The following IRAK2 variants were observed in gnomAD, a reference collection of about 807,000 sequenced individuals.
IRAK2 encodes the protein interleukin 1 receptor associated kinase 2.
A neutral mutation model predicts 72.0 loss-of-function variants in IRAK2; 57 were observed. The ratio of observed to expected loss-of-function variants is 0.79; its 90% CI spans 0.64 to 0.99. IRAK2 has a LOEUF of 0.99. IRAK2 is among the 50% of genes least tolerant of loss of function. IRAK2 has a pLI of 0.00. For synonymous variants in IRAK2, 293 were observed against 312.7 expected (o/e 0.94, Z 0.67); for missense variants, 790 against 794.4 (o/e 0.99, Z 0.07).
At position 10,198,964 on chromosome 3, in the gene IRAK2, C is replaced by T. The variant is rs76831261; in HGVS notation, c.278-1405C>T. Among the ~76,000 whole-genome samples the T allele has an allele frequency of 3.6e-3, 554 of 152,236 alleles. 19 individuals carry two copies. The East Asian group carries it at 0.061, about 17-fold the overall frequency. ...GAGAATGAGGGACTTGAATGCAGGGCTATAGCATCAGGTTTTATCTGGGAG... is the reference window on the plus strand; with the variant it reads ...GAGAATGAGGGACTTGAATGCAGGGTTATAGCATCAGGTTTTATCTGGGAG... On this transcript the variant is annotated intron_variant, in intron 2 of 12. Transcript: ENST00000256458.
intron 12 of IRAK2, among the ~76,000 whole-genome samples, chr3:10,239,928 C>T (rs1404410252): frequency 6.6e-6 from 1 of 151,404 alleles, no homozygotes; most frequent in Non-Finnish European, 1.5e-5. Context: ...GGGCAGATCA[C>T]CTGAGGTCAG....
intron 9 of IRAK2, among the ~76,000 whole-genome samples, chr3:10,225,888 A>G (rs543897941): frequency 1.3e-5 from 2 of 151,962 alleles, no homozygotes; most frequent in East Asian, 3.9e-4. Flanking sequence ...TTTAGTAGAG[A>G]CGGGGTTTCG....
chr3:10,166,354 GT>G (rs1696688995), intron 1 of IRAK2, among the ~76,000 whole-genome samples: 1 of 152,182 alleles, frequency 6.6e-6, no homozygotes, highest in Admixed American at 6.6e-5. Context: ...GCCTCCATAT[GT>G]TTTGTTTGTT....
chr3:10,227,632 C>T (rs1217602366), intron 10 of IRAK2, among the ~76,000 whole-genome samples: 1 of 151,656 alleles, frequency 6.6e-6, no homozygotes. Context: ...AGCTGGAATT[C>T]TGAGTCAGAT....
chr3:10,176,144 T>C (rs1398879143), intron 1 of IRAK2, among the ~76,000 whole-genome samples: 2 of 151,352 alleles, frequency 1.3e-5, no homozygotes, highest in African/African-American at 4.8e-5. Flanking sequence ...TGCATTATTT[T>C]TATTGTTACT....
chr3:10,237,633 CT>C (rs2125165761), intron 11 of IRAK2, among the ~76,000 whole-genome samples: 1 of 151,992 alleles, frequency 6.6e-6, no homozygotes, highest in East Asian at 1.9e-4. Flanking sequence ...TGGTGAAACC[CT>C]GTCTCTACTA....
chr3:10,178,095 C>A (rs989382344), intron 2 of IRAK2, 75 bp downstream of exon 2: 6 of 1,194,628 alleles, frequency 5.0e-6, no homozygotes, highest in Non-Finnish European at 7.1e-6. Context: ...GAGTTGCACT[C>A]TCTGGCCTTA....
rs562260623 is a variant in IRAK2, at chr3:10,235,345, C to G, written c.1473+686C>G. On this transcript the variant is annotated intron_variant, in intron 11 of 12. Transcript: ENST00000256458. ...TTTTTGAGACAGAGTCTCCTTCTGT[C>G]GCCCAGGCTGGAGTGCAGTGGTGCT... 7.7e-4 allele frequency among the ~76,000 whole-genome samples: 117 copies of G among 151,580 alleles called. No individual in the cohort carries two copies. The Middle Eastern group carries it at 0.014, about 18-fold the overall frequency.
At position 10,242,262 on chromosome 3, in the gene IRAK2, G is replaced by T. The variant is rs781322434; in HGVS notation, c.*34G>T. On this transcript the variant is annotated 3_prime_UTR_variant, in exon 13 of 13. Transcript: ENST00000256458. ...ACACAGCTGAGGACCCTTGTCCTCA[G>T]TTGGAAAGATGAGCATCAGATCAAG... 5 of 1,277,282 alleles carry T rather than the reference G, an allele frequency of 3.9e-6. No homozygotes were observed. The highest frequency in any genetic ancestry group is 2.0e-5 in the Admixed American group (1 of 49,518). The allele number at this position is 1,277,282 out of a possible 1,614,324, so 79.1% of individuals were successfully genotyped here.
At chr3:10,226,576 C>G (rs1697780332) in intron 10 of IRAK2, 143 bp downstream of exon 10, 1 of 624,300 alleles carries the variant, frequency 1.6e-6, no homozygotes, top group Non-Finnish European at 2.9e-6. Flanking sequence ...CACAAAGCAG[C>G]TTTAACCTCC....
chr3:10,243,564 G>T lies in IRAK2; in HGVS notation c.*1336G>T, dbSNP rs1374747627. On this transcript the variant is annotated 3_prime_UTR_variant, in exon 13 of 13. Coordinates refer to ENST00000256458, the MANE Select transcript of IRAK2 (RefSeq NM_001570.4). ...TTGTCCTGTTTTGTAAAATAAAAAG[G>T]TATTAAATGTGTATTTCTGCCATGT... is the stretch of plus-strand genomic sequence containing the variant. 2 of 152,630 alleles carry T rather than the reference G, an allele frequency of 1.3e-5. No individual in the cohort carries two copies. The highest frequency in any genetic ancestry group is 1.5e-5 in the Non-Finnish European group (1 of 68,040). 9.5% of individuals were successfully genotyped at this position (152,630 alleles called of 1,614,324 possible).
intron 2 of IRAK2, among the ~76,000 whole-genome samples, chr3:10,181,263 TC>T (rs1475812046): frequency 6.6e-6 from 1 of 151,574 alleles, no homozygotes; most frequent in African/African-American, 2.4e-5. Flanking sequence ...CTCCTTACAT[TC>T]CCCCTGCGAA....
chr3:10,216,813 TG>T, intron 6 of IRAK2, 120 bp from the exon 7 acceptor site: 1 of 718,348 alleles, frequency 1.4e-6, no homozygotes, highest in Non-Finnish European at 2.5e-6. Context: ...TCAGAGTATG[TG>T]GTACCTGGGA....
chr3:10,167,201 T>C (rs1208481694), intron 1 of IRAK2, among the ~76,000 whole-genome samples: 1 of 152,202 alleles, frequency 6.6e-6, no homozygotes, highest in Non-Finnish European at 1.5e-5. Context: ...TGTGTATCCA[T>C]CTTCACAATC....
At chr3:10,169,150 G>T (rs1459030489) in intron 1 of IRAK2, among the ~76,000 whole-genome samples, 1 of 152,148 alleles carries the variant, frequency 6.6e-6, no homozygotes, top group East Asian at 1.9e-4. Flanking sequence ...CGAATAGGGA[G>T]TAGGTCCCAG....
At position 10,213,507 on chromosome 3, in the gene IRAK2, A is replaced by C. The variant is rs139306436; in HGVS notation, c.747A>C (p.Ser249=). 6.2e-7 allele frequency: 1 copy of C among 1,614,170 alleles called. No individual in the cohort carries two copies. The highest frequency in any genetic ancestry group is 1.3e-5 in the African/African-American group (1 of 75,046). ...AGACAGCCTGTTCAAGTCCAGGATC[A>C]ATCGAAAGATTCTTCCAGGCAGAGT... ...LRETACSSPG[S]IERFFQAELQ... Residue 249 remains serine (S), a synonymous_variant, in exon 6 of 13, where the codon TCA becomes TCC. Coordinates refer to ENST00000256458, the MANE Select transcript of IRAK2 (RefSeq NM_001570.4).
intron 9 of IRAK2, among the ~76,000 whole-genome samples, chr3:10,225,205 A>G (rs1258366470): frequency 6.6e-6 from 1 of 152,144 alleles, no homozygotes; most frequent in African/African-American, 2.4e-5. Flanking sequence ...ATGTGACCCT[A>G]TTCTGACTTG....
At chr3:10,230,580 T>C (rs1301444484) in intron 10 of IRAK2, among the ~76,000 whole-genome samples, 1 of 152,110 alleles carries the variant, frequency 6.6e-6, no homozygotes, top group Non-Finnish European at 1.5e-5. Flanking sequence ...ATTAGTATTA[T>C]CATTATTATT....
intron 9 of IRAK2, among the ~76,000 whole-genome samples, chr3:10,224,064 T>TG (rs1697733801): frequency 6.6e-6 from 1 of 150,630 alleles, no homozygotes; most frequent in Non-Finnish European, 1.5e-5. Context: ...GGGCAGGGAG[T>TG]GGTGGCACAT....
Sources: gnomAD v4.1 joint callset for allele counts (sites outside exome capture counted in the v4.1 genomes callset) on GRCh38, gnomAD v4.1.1 for gene constraint, MANE v1.5 for transcripts, NCBI Gene and HGNC (gene_info 2026-07-23, HGNC 2026-07-21) for gene names.